The following NUBPL variants were observed in gnomAD, a reference collection of about 807,000 sequenced individuals.
The protein encoded by NUBPL is iron-sulfur cluster transfer protein NUBPL.
A neutral mutation model predicts 45.7 loss-of-function variants in NUBPL; 31 were observed. That is an observed-to-expected ratio of 0.68 (90% CI 0.51 to 0.92). The LOEUF (loss-of-function observed/expected upper bound fraction) is 0.92. NUBPL is among the 40% of genes least tolerant of loss of function. The pLI is 0.00. For missense variants in NUBPL, 401 were observed against 398.7 expected (o/e 1.01, Z -0.05); for synonymous variants, 144 against 140.9 (o/e 1.02, Z -0.15).
At chr14:31,584,200 A>AC (rs1566428048) in intron 3 of NUBPL, among the ~76,000 whole-genome samples, 4 of 151,306 alleles carry the variant, frequency 2.6e-5, no homozygotes, top group Admixed American at 6.6e-5. Flanking sequence ...GGCTGAAGGC[A>AC]CCCAACTTCT....
intron 6 of NUBPL, among the ~76,000 whole-genome samples, chr14:31,732,610 T>TTTTTC: frequency 1.0e-3 from 1 of 1,002 alleles, no homozygotes; most frequent in Non-Finnish European, 3.5e-3. Context: ...ATTTGTTCTC[T>TTTTTC]TTTTTTTTTT....
chr14:31,651,029 A>T (rs992663631), intron 4 of NUBPL, among the ~76,000 whole-genome samples: 5 of 152,204 alleles, frequency 3.3e-5, no homozygotes, highest in African/African-American at 1.2e-4. Flanking sequence ...CACAACCCAG[A>T]CACCTCTCAT....
chr14:31,816,287 A>G (rs1467175764), intron 7 of NUBPL, among the ~76,000 whole-genome samples: 5 of 152,018 alleles, frequency 3.3e-5, no homozygotes, highest in African/African-American at 1.2e-4. Context: ...AAATTTATCC[A>G]TTTCTCCTAG....
intron 7 of NUBPL, among the ~76,000 whole-genome samples, chr14:31,802,372 T>C (rs1595650843): frequency 6.6e-6 from 1 of 151,760 alleles, no homozygotes; most frequent in African/African-American, 2.4e-5. Flanking sequence ...GCCTCCTGGG[T>C]TCAAGCAATT....
intron 3 of NUBPL, among the ~76,000 whole-genome samples, chr14:31,573,725 ACTT>A (rs1170772989): frequency 6.6e-6 from 1 of 151,932 alleles, no homozygotes; most frequent in African/African-American, 2.4e-5. Flanking sequence ...TTCTGTGATG[ACTT>A]CTTTTACTAT....
chr14:31,684,978 T>C (rs1411995426), intron 6 of NUBPL, among the ~76,000 whole-genome samples: 1 of 152,188 alleles, frequency 6.6e-6, no homozygotes, highest in Non-Finnish European at 1.5e-5. Context: ...GGAAAAGAAG[T>C]AGTTCAAAAG....
intron 3 of NUBPL, among the ~76,000 whole-genome samples, chr14:31,595,395 A>G (rs2034256769): frequency 6.6e-6 from 1 of 152,232 alleles, no homozygotes. Context: ...ATCAGACTTT[A>G]CAATAGTAAG....
intron 4 of NUBPL, among the ~76,000 whole-genome samples, chr14:31,623,486 G>A (rs2035123051): frequency 6.6e-6 from 1 of 152,188 alleles, no homozygotes; most frequent in South Asian, 2.1e-4. Flanking sequence ...CAGATCTCAT[G>A]TTGAATTGTA....
intron 6 of NUBPL, among the ~76,000 whole-genome samples, chr14:31,708,773 C>G (rs2037507913): frequency 6.6e-6 from 1 of 152,142 alleles, no homozygotes; most frequent in Non-Finnish European, 1.5e-5. Context: ...TTCCGGGCAC[C>G]CTCAGTCCTG....
At chr14:31,645,452 G>C (rs899843184) in intron 4 of NUBPL, among the ~76,000 whole-genome samples, 2 of 152,064 alleles carry the variant, frequency 1.3e-5, no homozygotes, top group African/African-American at 4.8e-5. Context: ...AGAGATTTGA[G>C]TCCATTTACA....
At chr14:31,717,412 CTT>C (rs1208115554) in intron 6 of NUBPL, among the ~76,000 whole-genome samples, 3 of 152,178 alleles carry the variant, frequency 2.0e-5, no homozygotes, top group Non-Finnish European at 2.9e-5. Context: ...CACACATTCT[CTT>C]GTCTCAGGGC....
At chr14:31,810,551 T>C (rs1432752018) in intron 7 of NUBPL, among the ~76,000 whole-genome samples, 5 of 152,174 alleles carry the variant, frequency 3.3e-5, no homozygotes, top group South Asian at 4.1e-4. Flanking sequence ...AGCACACTGA[T>C]GGGTCTTGAC....
At chr14:31,770,868 A>G (rs574314392) in intron 6 of NUBPL, among the ~76,000 whole-genome samples, 1 of 152,234 alleles carries the variant, frequency 6.6e-6, no homozygotes, top group Non-Finnish European at 1.5e-5. Context: ...AGGCGGTTTC[A>G]GTACTTAAAA....
At chr14:31,834,495 G>A (rs899022713) in intron 8 of NUBPL, among the ~76,000 whole-genome samples, 6 of 152,018 alleles carry the variant, frequency 3.9e-5, no homozygotes, top group Admixed American at 2.0e-4. Flanking sequence ...GAACTTTTTA[G>A]TATTTATTTG....
chr14:31,594,902 G>C (rs182127581), intron 3 of NUBPL, among the ~76,000 whole-genome samples: 1 of 152,282 alleles, frequency 6.6e-6, no homozygotes, highest in Admixed American at 6.5e-5. Flanking sequence ...TCTTAGCTGG[G>C]TACTTCTGTA....
At chr14:31,831,842 A>G (rs2151782) in intron 8 of NUBPL, among the ~76,000 whole-genome samples, 89,840 of 152,110 alleles carry the variant, frequency 0.59, 27,746 homozygotes, top group African/African-American at 0.78. Flanking sequence ...ATGGGAAGTA[A>G]ACATCATTAG....
At chr14:31,824,578 G>A (rs997559366) in intron 7 of NUBPL, among the ~76,000 whole-genome samples, 3 of 152,158 alleles carry the variant, frequency 2.0e-5, no homozygotes, top group Non-Finnish European at 1.5e-5. Context: ...CTGATTGCAA[G>A]ATGAATTTAC....
At chr14:31,636,070 A>C (rs1307671934) in intron 4 of NUBPL, among the ~76,000 whole-genome samples, 2 of 151,260 alleles carry the variant, frequency 1.3e-5, no homozygotes, top group East Asian at 1.9e-4. Flanking sequence ...TTCCTAATTG[A>C]ATACCCTTTA....
chr14:31,701,209 G>C lies in NUBPL; in HGVS notation c.513+27635G>C, dbSNP rs184308592. Among the ~76,000 whole-genome samples, 75 of 152,184 alleles carry C rather than the reference G, an allele frequency of 4.9e-4. 1 individual carries two copies. The highest frequency in any genetic ancestry group is 1.7e-3 in the African/African-American group (72 of 41,524). On this transcript the variant is annotated intron_variant, in intron 6 of 10. Coordinates refer to ENST00000281081, the MANE Select transcript of NUBPL (RefSeq NM_025152.3). ...TGCACCAGTCAGCACTCTGTGTCTAGCTGAAGGTTTGTAAATGCACCAGTC... is the reference window on the plus strand; with the variant it reads ...TGCACCAGTCAGCACTCTGTGTCTACCTGAAGGTTTGTAAATGCACCAGTC...
Sources: allele counts gnomAD v4.1 joint callset (sites outside exome capture counted in the v4.1 genomes callset), GRCh38; gene constraint gnomAD v4.1.1; transcripts MANE v1.5; gene names NCBI Gene and HGNC (gene_info 2026-07-23, HGNC 2026-07-21).